WRN: variants seen among roughly 807,000 people sequenced by gnomAD.
The protein encoded by WRN is WRN RecQ like helicase, also known as bifunctional 3'-5' exonuclease/ATP-dependent helicase WRN.
WRN carries 149 observed loss-of-function variants against 180.7 expected under a neutral mutation model. That is an observed-to-expected ratio of 0.82 (90% CI 0.72 to 0.94). The LOEUF is 0.94. Among genes scored for constraint, WRN ranks in the 40% least tolerant of loss-of-function variants. The pLI is 0.00. For missense variants in WRN, 1,661 were observed against 1,700.1 expected, an observed-to-expected ratio of 0.98 and a Z score of 0.40; for synonymous variants, 548 against 568.9, an observed-to-expected ratio of 0.96 and a Z score of 0.52.
At chr8:31,158,511 C>A (rs1383140493) in intron 33 of WRN, among the ~76,000 whole-genome samples, 6 of 151,768 alleles carry the variant, frequency 4.0e-5, no homozygotes, top group Non-Finnish European at 8.8e-5. Context: ...TGATAAATTT[C>A]TTTTGACTGT....
chr8:31,083,048 T>A (rs1342753742), intron 9 of WRN, among the ~76,000 whole-genome samples: 1 of 152,212 alleles, frequency 6.6e-6, no homozygotes, highest in Admixed American at 6.5e-5. Context: ...ACTTCCTGTT[T>A]AAATATTTGG....
Position 31,174,825 on chromosome 8 carries a change from C to CTTCCTTCCTTCCTTCCTTCCTTCCTTCT in WRN, c.*1724_*1725insTCCTTCCTTCCTTCCTTCCTTCCTTCTT, listed in dbSNP as rs1804222270. ...CCTTCCTTCCTTCCTTCCTTCCTCCCTCCCTCCCTCCCTCCCTCCCTCCCT... is the reference window on the plus strand; with the variant it reads ...CCTTCCTTCCTTCCTTCCTTCCTCCCTTCCTTCCTTCCTTCCTTCCTTCCTTCTTCCCTCCCTCCCTCCCTCCCTCCCT... On this transcript the variant is annotated 3_prime_UTR_variant, in exon 35 of 35. Coordinates refer to ENST00000298139, the MANE Select transcript of WRN (RefSeq NM_000553.6). Among the ~76,000 whole-genome samples the CTTCCTTCCTTCCTTCCTTCCTTCCTTCT allele has an allele frequency of 8.9e-6, 1 of 111,906 alleles. No individual in the cohort carries two copies. The highest frequency in any genetic ancestry group is 3.4e-5 in the African/African-American group (1 of 29,452). The allele number at this position is 111,906 out of a possible 152,430, so 73.4% of individuals were successfully genotyped here.
At chr8:31,049,852 G>T (rs1354307464) in intron 1 of WRN, among the ~76,000 whole-genome samples, 2 of 151,946 alleles carry the variant, frequency 1.3e-5, no homozygotes, top group Admixed American at 1.3e-4. Context: ...TGTAATTATA[G>T]TTTAAAAGAA....
intron 16 of WRN, among the ~76,000 whole-genome samples, chr8:31,096,319 C>T (rs1813975634): frequency 6.6e-6 from 1 of 152,134 alleles, no homozygotes; most frequent in Non-Finnish European, 1.5e-5. Flanking sequence ...GGAGAGCAGA[C>T]TCTGTAAATA....
chr8:31,128,416 GGCT>G (rs1301399909), intron 23 of WRN, among the ~76,000 whole-genome samples: 1 of 151,966 alleles, frequency 6.6e-6, no homozygotes, highest in Non-Finnish European at 1.5e-5. Flanking sequence ...TAACACACTG[GGCT>G]AATTGTCAGA....
At chr8:31,154,570 T>A (rs1803297942) in intron 31 of WRN, 54 bp from the exon 32 acceptor site, 1 of 1,540,948 alleles carries the variant, frequency 6.5e-7, no homozygotes, top group African/African-American at 1.4e-5. Flanking sequence ...ATACATATAT[T>A]CTATTATTGT....
At chr8:31,155,403 A>G (rs1460384883) in intron 32 of WRN, among the ~76,000 whole-genome samples, 1 of 152,078 alleles carries the variant, frequency 6.6e-6, no homozygotes, top group African/African-American at 2.4e-5. Flanking sequence ...CAGGCAGATC[A>G]TTTGAGGCCA....
At chr8:31,169,873 AG>A (rs112597686) in intron 34 of WRN, among the ~76,000 whole-genome samples, 14,005 of 152,156 alleles carry the variant, frequency 0.092, 841 homozygotes, top group African/African-American at 0.17. Flanking sequence ...CCCAGGGTTC[AG>A]AGTAGCCAGC....
intron 6 of WRN, among the ~76,000 whole-genome samples, chr8:31,067,828 A>G (rs1812771008): frequency 6.6e-6 from 1 of 152,168 alleles, no homozygotes; most frequent in Non-Finnish European, 1.5e-5. Flanking sequence ...TGCATCTATC[A>G]AAGGAATGGA....
intron 33 of WRN, among the ~76,000 whole-genome samples, chr8:31,162,765 T>G (rs1803683512): frequency 6.6e-6 from 1 of 152,138 alleles, no homozygotes. Context: ...TGGATACTTG[T>G]TCCTGTTGGC....
At chr8:31,116,602 G>T in intron 20 of WRN, 74 bp downstream of exon 20, 1 of 1,577,424 alleles carries the variant, frequency 6.3e-7, no homozygotes. Flanking sequence ...TTATTTACCA[G>T]ATCTTTATTG....
intron 32 of WRN, among the ~76,000 whole-genome samples, chr8:31,155,459 T>TA (rs1387395185): frequency 6.6e-6 from 1 of 151,862 alleles, no homozygotes; most frequent in African/African-American, 2.4e-5. Context: ...CTGTCTTTAC[T>TA]AAAAATACAA....
chr8:31,110,645 G>C lies in WRN; in HGVS notation c.2089-970G>C, dbSNP rs140597702. Reference sequence around the variant, plus strand: ...CACATACATTTCCACTTATATACAAGATAATTGCTATGGTTGGTTTGTATA... The same window carrying C: ...CACATACATTTCCACTTATATACAACATAATTGCTATGGTTGGTTTGTATA... On this transcript the variant is annotated intron_variant, in intron 18 of 34. Coordinates refer to ENST00000298139, the MANE Select transcript of WRN (RefSeq NM_000553.6). Among the ~76,000 whole-genome samples, 152 of 152,210 alleles carry C rather than the reference G, an allele frequency of 1.0e-3. 2 individuals carry two copies. In the East Asian group the frequency reaches 0.028, roughly 28 times the overall value.
chr8:31,039,531 A>T (rs996019744), intron 1 of WRN, among the ~76,000 whole-genome samples: 5 of 152,100 alleles, frequency 3.3e-5, no homozygotes, highest in Non-Finnish European at 7.4e-5. Context: ...TCCATTATGG[A>T]TGCCTTTTAT....
intron 1 of WRN, among the ~76,000 whole-genome samples, chr8:31,040,350 A>G (rs558465723): frequency 3.4e-4 from 52 of 152,344 alleles, no homozygotes; most frequent in African/African-American, 1.2e-3. Context: ...TTAGTGTATA[A>G]CAGCTAATTT....
At chr8:31,070,805 G>A (rs567440563) in intron 7 of WRN, among the ~76,000 whole-genome samples, 1 of 152,264 alleles carries the variant, frequency 6.6e-6, no homozygotes, top group East Asian at 1.9e-4. Flanking sequence ...AGCACTTTGG[G>A]AGGCCGAGGT....
intron 21 of WRN, among the ~76,000 whole-genome samples, chr8:31,123,172 T>C (rs956284356): frequency 1.5e-4 from 23 of 152,036 alleles, no homozygotes; most frequent in Non-Finnish European, 3.2e-4. Context: ...CTTTGTCCGG[T>C]GCATTCACGT....
chr8:31,133,265 A>G (rs990000166), intron 24 of WRN, among the ~76,000 whole-genome samples: 3 of 152,236 alleles, frequency 2.0e-5, no homozygotes, highest in Non-Finnish European at 4.4e-5. Flanking sequence ...GAGATAGGAT[A>G]CTTTGCAAAT....
At chr8:31,061,453 G>GT (rs954840283) in intron 3 of WRN, among the ~76,000 whole-genome samples, 2 of 146,826 alleles carry the variant, frequency 1.4e-5, no homozygotes, top group African/African-American at 2.5e-5. Context: ...TTATTCTAGG[G>GT]TTTTTTTCTT....
Sources: gnomAD v4.1 joint callset for allele counts (sites outside exome capture counted in the v4.1 genomes callset) on GRCh38, gnomAD v4.1.1 for gene constraint, MANE v1.5 for transcripts, NCBI Gene and HGNC (gene_info 2026-07-23, HGNC 2026-07-21) for gene names.